Variants in FKBP9 observed in about 807,000 individuals in gnomAD.
The protein encoded by FKBP9 is peptidyl-prolyl cis-trans isomerase FKBP9.
Under a neutral mutation model 55.6 loss-of-function variants are expected in FKBP9, and 27 were observed. The ratio of observed to expected loss-of-function variants is 0.49; its 90% confidence interval spans 0.36 to 0.67. The LOEUF (loss-of-function observed/expected upper bound fraction) is 0.67. Among genes scored for constraint, FKBP9 ranks in the 30% least tolerant of loss-of-function variants. The probability of loss-of-function intolerance (pLI) is 0.00; values close to 1 mark genes in which losing one functional copy is unlikely to be tolerated. For missense variants in FKBP9, 539 were observed against 742.8 expected (o/e 0.73, Z 3.19); for synonymous variants, 267 against 296.5 (o/e 0.90, Z 1.02).
chr7:32,999,661 G>A lies in FKBP9; in HGVS notation c.1227-454G>A, dbSNP rs545185331. Among the ~76,000 whole-genome samples the A allele has an allele frequency of 8.5e-5, 13 of 152,184 alleles. No homozygotes were observed. The East Asian group carries it at 2.5e-3, about 29-fold the overall frequency. On this transcript the variant is annotated intron_variant, in intron 7 of 9. Coordinates refer to ENST00000242209, the MANE Select transcript of FKBP9 (RefSeq NM_007270.5). ...TCCGTTTCATAGATAAAGTAACAGA[G>A]ATTACATTTCTCAGGGTTAAATTAA...
rs561547543 is a variant in FKBP9 at position 33,002,494 on chromosome 7, T to C, written c.1373-182T>C. Among the ~76,000 whole-genome samples the C allele has an allele frequency of 6.3e-3, 959 of 152,278 alleles. 5 individuals carry two copies. Among genetic ancestry groups the C allele is most frequent in the Non-Finnish European group, 9.6e-3 (650 of 68,014 alleles). ...CTGGTCACCACCCTCTAAACTGATTTCGTGAGTCATTAACGGGCCACTGCC... is the reference window on the plus strand; with the variant it reads ...CTGGTCACCACCCTCTAAACTGATTCCGTGAGTCATTAACGGGCCACTGCC... On this transcript the variant is annotated intron_variant, in intron 8 of 9. Coordinates refer to ENST00000242209, the MANE Select transcript of FKBP9 (RefSeq NM_007270.5).
intron 6 of FKBP9, among the ~76,000 whole-genome samples, chr7:32,993,560 C>T (rs917135674): frequency 6.6e-6 from 1 of 152,188 alleles, no homozygotes; most frequent in Non-Finnish European, 1.5e-5. Context: ...CGCGGTGGCT[C>T]ACGCCTGTAA....
At chr7:32,965,812 A>AAATATATAT (rs1554284289) in intron 1 of FKBP9, among the ~76,000 whole-genome samples, 12 of 34,942 alleles carry the variant, frequency 3.4e-4, no homozygotes, top group Admixed American at 5.4e-4. Flanking sequence ...AAAAAAAAAA[A>AAATATATAT]ATATATATAT....
chr7:33,002,907 C>G, intron 9 of FKBP9, 68 bp downstream of exon 9: 3 of 1,541,684 alleles, frequency 1.9e-6, no homozygotes, highest in South Asian at 1.2e-5. Flanking sequence ...GCCGTGGGGC[C>G]GGTTCTGAAG....
chr7:32,977,850 C>A (rs1784390971), intron 4 of FKBP9, among the ~76,000 whole-genome samples: 1 of 131,924 alleles, frequency 7.6e-6, no homozygotes, highest in Non-Finnish European at 1.6e-5. Flanking sequence ...TATATACACT[C>A]ATATATATAT....
Position 32,957,529 on chromosome 7 carries a change from GC to G in FKBP9, c.-42del. ...CCGAACGCCCAGGCCGACCCGTGCC[GC>G]CCGAGCGCCGCGCTGCGTCCGCGCC... is the stretch of plus-strand genomic sequence containing the variant. On this transcript the variant is annotated 5_prime_UTR_variant, in exon 1 of 10. Coordinates refer to ENST00000242209, the MANE Select transcript of FKBP9 (RefSeq NM_007270.5). 7.5e-7 allele frequency: 1 copy of G among 1,341,404 alleles called. No individual in the cohort carries two copies. The highest frequency in any genetic ancestry group is 9.6e-7 in the Non-Finnish European group (1 of 1,044,516). The allele number at this position is 1,341,404 out of a possible 1,614,324, so 83.1% of individuals were successfully genotyped here. A position where few individuals can be genotyped will look rare whatever the true frequency, so the allele number is the denominator to read the frequency against.
intron 6 of FKBP9, among the ~76,000 whole-genome samples, chr7:32,993,728 G>T (rs139263964): frequency 6.6e-6 from 1 of 151,852 alleles, no homozygotes; most frequent in Non-Finnish European, 1.5e-5. Context: ...CAGGGAAATC[G>T]CTTGAACCCG....
At chr7:32,971,472 T>C (rs904357343) in intron 1 of FKBP9, among the ~76,000 whole-genome samples, 15 of 152,100 alleles carry the variant, frequency 9.9e-5, no homozygotes, top group Non-Finnish European at 2.9e-5. Context: ...TTTCTTCCTT[T>C]CTTCCTTTCT....
intron 5 of FKBP9, among the ~76,000 whole-genome samples, chr7:32,983,116 T>C (rs996539389): frequency 1.3e-5 from 2 of 151,718 alleles, no homozygotes; most frequent in Admixed American, 6.6e-5. Context: ...CTCCGTCTCG[T>C]GGGTTCAAGC....
chr7:32,998,779 C>T (rs368181277), intron 7 of FKBP9, among the ~76,000 whole-genome samples: 3 of 152,018 alleles, frequency 2.0e-5, no homozygotes, highest in African/African-American at 4.8e-5. Context: ...AGCTGCAGGC[C>T]GGCGGTGGAT....
In FKBP9 at chr7:32,976,459, C is replaced by T; in HGVS notation, c.663C>T (p.Ile221=). Residue 221 remains isoleucine, a synonymous_variant, in exon 4 of 10, where the codon ATC becomes ATT. Coordinates refer to ENST00000242209, the MANE Select transcript of FKBP9 (RefSeq NM_007270.5). ...TGTGTGTGGGTGAGAAGCGCATCAT[C>T]ACCATTCCTCCTTTTCTGGCCTATG... ...LGMCVGEKRI[I]TIPPFLAYGE... 6.2e-7 allele frequency: 1 copy of T among 1,613,322 alleles called. No individual in the cohort carries two copies.
At chr7:32,958,067 C>T (rs1395689909) in intron 1 of FKBP9, among the ~76,000 whole-genome samples, 4 of 152,214 alleles carry the variant, frequency 2.6e-5, no homozygotes, top group Non-Finnish European at 4.4e-5. Context: ...TTCCTCCCAG[C>T]GCATGGACAC....
chr7:32,974,828 A>C, intron 2 of FKBP9, 66 bp downstream of exon 2: 1 of 1,420,582 alleles, frequency 7.0e-7, no homozygotes, highest in Non-Finnish European at 9.7e-7. Flanking sequence ...TAGGATGTTA[A>C]GTCAAACAGA....
At chr7:32,974,590 C>T (rs1784323410) in intron 1 of FKBP9, 27 bp from the exon 2 acceptor site, 1 of 1,602,512 alleles carries the variant, frequency 6.2e-7, no homozygotes, top group Admixed American at 1.7e-5. Flanking sequence ...ACTTTTCTTT[C>T]TCTTTCCCTA....
At chr7:32,998,077 C>G (rs1019752288) in intron 7 of FKBP9, among the ~76,000 whole-genome samples, 2 of 152,138 alleles carry the variant, frequency 1.3e-5, no homozygotes, top group African/African-American at 2.4e-5. Context: ...GAAATATGTG[C>G]TAGGCTTCCA....
chr7:32,967,536 C>T (rs1397791879), intron 1 of FKBP9, among the ~76,000 whole-genome samples: 3 of 152,182 alleles, frequency 2.0e-5, no homozygotes, highest in Non-Finnish European at 4.4e-5. Flanking sequence ...CAAGGTTCAT[C>T]CATATTGTAG....
At chr7:32,965,815 ATATATAT>A (rs1784126893) in intron 1 of FKBP9, among the ~76,000 whole-genome samples, 1 of 6,468 alleles carries the variant, frequency 1.5e-4, no homozygotes, top group African/African-American at 4.2e-4. Context: ...AAAAAAAAAT[ATATATAT>A]ATATATATAT....
intron 8 of FKBP9, among the ~76,000 whole-genome samples, chr7:33,001,249 T>G (rs1486977063): frequency 2.0e-5 from 3 of 152,168 alleles, no homozygotes; most frequent in Non-Finnish European, 2.9e-5. Context: ...GCTTTAAAAA[T>G]TGTTGTATAT....
chr7:32,976,616 C>A, intron 4 of FKBP9, 117 bp downstream of exon 4: 1 of 1,405,034 alleles, frequency 7.1e-7, no homozygotes, highest in Non-Finnish European at 9.6e-7. Context: ...CTACACTGGC[C>A]AATATGGTAA....
Sources: allele counts gnomAD v4.1 joint callset (sites outside exome capture counted in the v4.1 genomes callset), GRCh38; gene constraint gnomAD v4.1.1; transcripts MANE v1.5; gene names NCBI Gene and HGNC (gene_info 2026-07-23, HGNC 2026-07-21).